The following THSD7B variants were observed in gnomAD, a reference collection of about 807,000 sequenced individuals.
The protein encoded by THSD7B is thrombospondin type-1 domain-containing protein 7B.
A neutral mutation model predicts 213.6 loss-of-function variants in THSD7B; 138 were observed. The observed-to-expected ratio is 0.65, with a 90% CI of 0.56 to 0.74. The LOEUF is 0.74. THSD7B is among the 30% of genes least tolerant of loss of function. THSD7B has a pLI of 0.00. For synonymous variants in THSD7B, 742 were observed against 687.0 expected, an observed-to-expected ratio of 1.08 and a Z score of -1.25; for missense variants, 1,931 against 1,991.5, an observed-to-expected ratio of 0.97 and a Z score of 0.58.
chr2:137,184,143 T>C (rs973928826), intron 7 of THSD7B, among the ~76,000 whole-genome samples: 2 of 152,106 alleles, frequency 1.3e-5, no homozygotes, highest in African/African-American at 2.4e-5. Context: ...CCATCTCTCC[T>C]TCCAAGATGG....
intron 27 of THSD7B, among the ~76,000 whole-genome samples, chr2:137,672,294 A>G (rs1683594725): frequency 1.3e-5 from 2 of 152,200 alleles, no homozygotes; most frequent in Non-Finnish European, 2.9e-5. Flanking sequence ...GTGAAATTAT[A>G]TAACTTTTCT....
chr2:136,766,793 G>C (rs1034343789), intron 1 of THSD7B, among the ~76,000 whole-genome samples: 2 of 152,166 alleles, frequency 1.3e-5, no homozygotes. Context: ...GTTCCTTGGC[G>C]CTCTGTTCAT....
intron 15 of THSD7B, among the ~76,000 whole-genome samples, chr2:137,470,264 C>A (rs1688067664): frequency 6.6e-6 from 1 of 152,178 alleles, no homozygotes; most frequent in Admixed American, 6.5e-5. Context: ...ACAATTTTCA[C>A]CAAGGTTTAA....
At chr2:136,877,653 T>C (rs1683546460) in intron 1 of THSD7B, among the ~76,000 whole-genome samples, 3 of 152,316 alleles carry the variant, frequency 2.0e-5, no homozygotes, top group Non-Finnish European at 4.4e-5. Flanking sequence ...ATTTGTACTT[T>C]GCTACCGTAC....
chr2:136,788,218 A>G (rs1374190875), intron 1 of THSD7B, among the ~76,000 whole-genome samples: 1 of 152,198 alleles, frequency 6.6e-6, no homozygotes, highest in East Asian at 1.9e-4. Context: ...GCCCGCTGGG[A>G]GAGACCTTAA....
intron 1 of THSD7B, among the ~76,000 whole-genome samples, chr2:136,863,046 T>G (rs1305156930): frequency 6.6e-6 from 1 of 152,250 alleles, no homozygotes; most frequent in African/African-American, 2.4e-5. Flanking sequence ...ATATTCTGTG[T>G]GTTTCCCCAT....
chr2:137,362,919 T>C (rs1165229898), intron 12 of THSD7B, among the ~76,000 whole-genome samples: 3 of 152,142 alleles, frequency 2.0e-5, no homozygotes, highest in Non-Finnish European at 4.4e-5. Context: ...CCACCTCAAA[T>C]CAACAGAATA....
intron 14 of THSD7B, among the ~76,000 whole-genome samples, chr2:137,427,506 TATTC>T (rs907833087): frequency 3.8e-4 from 58 of 151,848 alleles, no homozygotes; most frequent in African/African-American, 1.3e-3. Flanking sequence ...AATGAAATAT[TATTC>T]AGTCTGAAAA....
chr2:137,416,847 A>C (rs1023474252), intron 14 of THSD7B, among the ~76,000 whole-genome samples: 1 of 152,256 alleles, frequency 6.6e-6, no homozygotes, highest in African/African-American at 2.4e-5. Context: ...ATGAAATTAC[A>C]TTGCTGCTAG....
chr2:137,279,864 T>C (rs1048518638), intron 12 of THSD7B, among the ~76,000 whole-genome samples: 2 of 152,194 alleles, frequency 1.3e-5, no homozygotes, highest in African/African-American at 4.8e-5. Flanking sequence ...GTAGATGTAA[T>C]TAATTTAAGG....
intron 7 of THSD7B, 144 bp from the exon 8 acceptor site, chr2:137,230,900 C>T: frequency 1.3e-6 from 1 of 748,906 alleles, no homozygotes; most frequent in Non-Finnish European, 2.1e-6. Context: ...AAATTATCTC[C>T]TGGCAGTTTT....
intron 4 of THSD7B, among the ~76,000 whole-genome samples, chr2:137,108,891 G>A (rs867010842): frequency 1.3e-5 from 2 of 152,100 alleles, no homozygotes; most frequent in East Asian, 1.9e-4. Context: ...GCTATAATAC[G>A]TGGTGTCCTT....
At chr2:137,628,618 C>A (rs2104849951) in intron 20 of THSD7B, among the ~76,000 whole-genome samples, 1 of 152,282 alleles carries the variant, frequency 6.6e-6, no homozygotes, top group South Asian at 2.1e-4. Flanking sequence ...AGAAAAGACC[C>A]ACTCTGGATA....
At chr2:136,772,029 A>T (rs1433957414) in intron 1 of THSD7B, among the ~76,000 whole-genome samples, 2 of 152,100 alleles carry the variant, frequency 1.3e-5, no homozygotes, top group Non-Finnish European at 2.9e-5. Context: ...AGGTACTGTT[A>T]TTTAGTCCCT....
intron 2 of THSD7B, among the ~76,000 whole-genome samples, chr2:137,017,297 CTCTG>C (rs1335574857): frequency 2.1e-5 from 3 of 145,284 alleles, no homozygotes; most frequent in Admixed American, 2.1e-4. Flanking sequence ...TTTTTTTTTT[CTCTG>C]TCTCTCTCTT....
chr2:137,290,370 T>A lies in THSD7B; in HGVS notation c.2500+14344T>A, dbSNP rs186586051. ...TCCCAAAGTGCTGGGATTACAGGCG[T>A]GAGCCACAGCGCCCAGCCCAAAGAG... is the stretch of plus-strand genomic sequence containing the variant. On this transcript the variant is annotated intron_variant, in intron 12 of 27. Transcript: ENST00000409968. Among the ~76,000 whole-genome samples, 535 of 152,196 alleles carry A rather than the reference T, an allele frequency of 3.5e-3. 5 individuals are homozygous for A. The highest frequency in any genetic ancestry group is 0.012 in the African/African-American group (517 of 41,536).
rs183833079 is a variant in THSD7B at position 136,947,601 on chromosome 2, C to G, written c.139+65284C>G. On this transcript the variant is annotated intron_variant, in intron 2 of 27. Coordinates refer to ENST00000409968, the MANE Select transcript of THSD7B (RefSeq NM_001316349.2). ...TTGAAGATTATTTTGGTTTATCTCT[C>G]TCTTCCTCTGTCTTGCCCCTGGTCA... Among the ~76,000 whole-genome samples, 6 of 152,300 alleles carry G rather than the reference C, an allele frequency of 3.9e-5. No homozygotes were observed. In the South Asian group the frequency reaches 6.2e-4, roughly 16 times the overall value.
chr2:136,981,868 C>G (rs559556540), intron 2 of THSD7B, among the ~76,000 whole-genome samples: 4 of 152,238 alleles, frequency 2.6e-5, no homozygotes, highest in Admixed American at 6.5e-5. Context: ...AGCTCTATGT[C>G]AGGGAGAACG....
intron 12 of THSD7B, among the ~76,000 whole-genome samples, chr2:137,289,491 C>A (rs776757491): frequency 1.3e-5 from 2 of 151,744 alleles, no homozygotes; most frequent in Admixed American, 6.6e-5. Context: ...ACAAAAATCA[C>A]GTAGGGGCAA....
Sources: gnomAD v4.1 joint callset for allele counts (sites outside exome capture counted in the v4.1 genomes callset) on GRCh38, gnomAD v4.1.1 for gene constraint, MANE v1.5 for transcripts, NCBI Gene and HGNC (gene_info 2026-07-23, HGNC 2026-07-21) for gene names.